Variants in FUBP3 observed in about 807,000 individuals in gnomAD.
The protein encoded by FUBP3 is far upstream element-binding protein 3.
FUBP3 carries 28 observed loss-of-function variants against 85.6 expected under a neutral mutation model. That is an observed-to-expected ratio of 0.33 (90% CI 0.24 to 0.45). The LOEUF (loss-of-function observed/expected upper bound fraction) is 0.45, where lower values mean the gene tolerates loss of function less well. Ranked by LOEUF, FUBP3 falls within the 20% of genes least tolerant of loss-of-function variation. The pLI is 1.00. For missense variants in FUBP3, 583 were observed against 755.1 expected, an observed-to-expected ratio of 0.77 and a Z score of 2.67; for synonymous variants, 271 against 271.4, an observed-to-expected ratio of 1.00 and a Z score of 0.01.
intron 13 of FUBP3, 59 bp downstream of exon 13, chr9:130,630,847 C>A (rs1830182157): frequency 2.4e-6 from 3 of 1,275,362 alleles, no homozygotes; most frequent in Non-Finnish European, 3.1e-6. Context: ...TGTGGATGTC[C>A]AAGGTACCAG....
chr9:130,605,766 CTGA>C (rs961029733), intron 2 of FUBP3, among the ~76,000 whole-genome samples: 5 of 152,172 alleles, frequency 3.3e-5, no homozygotes, highest in African/African-American at 9.6e-5. Flanking sequence ...GGCGGATCAC[CTGA>C]TGTCAGGAGT....
At chr9:130,619,114 CCA>C (rs1335616271) in intron 8 of FUBP3, among the ~76,000 whole-genome samples, 2 of 152,182 alleles carry the variant, frequency 1.3e-5, no homozygotes, top group Non-Finnish European at 2.9e-5. Flanking sequence ...CTGTGGGCGG[CCA>C]CAGAGTGCCT....
chr9:130,626,796 C>T (rs573220723), intron 12 of FUBP3, among the ~76,000 whole-genome samples: 3 of 152,260 alleles, frequency 2.0e-5, no homozygotes, highest in South Asian at 2.1e-4. Flanking sequence ...AGATACCTTG[C>T]GCAAGATGGG....
In FUBP3 at chr9:130,635,657, C is replaced by T. The variant is rs145321339; in HGVS notation, c.1583-342C>T. Among the ~76,000 whole-genome samples the T allele has an allele frequency of 8.9e-4, 135 of 152,240 alleles. No individual in the cohort carries two copies. The highest frequency in any genetic ancestry group is 3.1e-3 in the African/African-American group (130 of 41,526). On this transcript the variant is annotated intron_variant, in intron 17 of 18. Transcript: ENST00000319725. The surrounding 1 kb of genome is among the most constrained non-coding windows in gnomAD (Gnocchi z 4.3). ...ATCACAGGCACCCAAGTTAGGTACT[C>T]CCCTTCTCCCCCACCCCCACCCCAG... is the stretch of plus-strand genomic sequence containing the variant.
At chr9:130,590,208 C>T (rs1383912615) in intron 1 of FUBP3, among the ~76,000 whole-genome samples, 1 of 151,900 alleles carries the variant, frequency 6.6e-6, no homozygotes, top group African/African-American at 2.4e-5. Context: ...CGTGTATCTC[C>T]CAAGATCACC....
intron 1 of FUBP3, among the ~76,000 whole-genome samples, chr9:130,587,183 G>A (rs1324576542): frequency 6.6e-6 from 1 of 151,642 alleles, no homozygotes; most frequent in Non-Finnish European, 1.5e-5. Context: ...TCCTGCCTCA[G>A]CCTCCCAAGT....
intron 1 of FUBP3, among the ~76,000 whole-genome samples, chr9:130,585,229 C>T (rs963103224): frequency 2.0e-5 from 3 of 152,174 alleles, no homozygotes; most frequent in Admixed American, 6.5e-5. Context: ...GCCTGCACAG[C>T]GATAATCAGC....
chr9:130,624,304 C>G (rs1251014500), intron 11 of FUBP3, among the ~76,000 whole-genome samples: 1 of 152,230 alleles, frequency 6.6e-6, no homozygotes, highest in Non-Finnish European at 1.5e-5. Flanking sequence ...GTCTGGTGTT[C>G]CCAGCAGCAG....
At chr9:130,628,894 C>T (rs1830099986) in intron 12 of FUBP3, among the ~76,000 whole-genome samples, 2 of 152,100 alleles carry the variant, frequency 1.3e-5, no homozygotes, top group East Asian at 1.9e-4. Flanking sequence ...CTCAGCCTCC[C>T]GAGTAGCTTG....
chr9:130,580,550 C>G (rs1029304783), intron 1 of FUBP3: 1 of 152,218 alleles, frequency 6.6e-6, no homozygotes, highest in Non-Finnish European at 1.5e-5. Context: ...CCTAACACTT[C>G]AGCTTCCTCG....
At chr9:130,596,866 G>A (rs964632747) in intron 2 of FUBP3, among the ~76,000 whole-genome samples, 4 of 152,100 alleles carry the variant, frequency 2.6e-5, no homozygotes, top group Non-Finnish European at 4.4e-5. Flanking sequence ...AGCACCTCGT[G>A]GAAAACGGGG....
Position 130,612,418 on chromosome 9 carries a change from T to C in FUBP3, c.225-38T>C, listed in dbSNP as rs770027959. ...GACCTAAAATGGCTGCAAAAGTCTGTATTCTGTATTTTTTTCCAAAATGTT... is the reference window on the plus strand; with the variant it reads ...GACCTAAAATGGCTGCAAAAGTCTGCATTCTGTATTTTTTTCCAAAATGTT... On this transcript the variant is annotated intron_variant, in intron 3 of 18. Transcript: ENST00000319725. The surrounding 1 kb of genome is among the most constrained non-coding windows in gnomAD (Gnocchi z 4.1). The C allele has an allele frequency of 2.2e-6, 3 of 1,338,382 alleles. No homozygotes were observed. The highest frequency in any genetic ancestry group is 3.2e-6 in the Non-Finnish European group (3 of 934,588). 82.9% of individuals were successfully genotyped at this position (1,338,382 alleles called of 1,614,324 possible). A position where few individuals can be genotyped will look rare whatever the true frequency, so the allele number is the denominator to read the frequency against.
At chr9:130,633,266 G>A (rs750231578) in intron 16 of FUBP3, among the ~76,000 whole-genome samples, 6 of 152,168 alleles carry the variant, frequency 3.9e-5, no homozygotes, top group South Asian at 2.1e-4. Context: ...ATTATGAAAC[G>A]TTTCAAATAT....
At chr9:130,582,305 A>T (rs1477968087) in intron 1 of FUBP3, among the ~76,000 whole-genome samples, 1 of 152,052 alleles carries the variant, frequency 6.6e-6, no homozygotes, top group Non-Finnish European at 1.5e-5. Flanking sequence ...TAAAAAAATT[A>T]GCTGGATGTG....
In FUBP3 at chr9:130,600,042, G is replaced by A. The variant is rs372002812; in HGVS notation, c.190+4454G>A. On this transcript the variant is annotated intron_variant, in intron 2 of 18. Transcript: ENST00000319725. ...TCTTCCTTATCTTTTGACTTTCTTCGGGGCTCAGCCCACATGCCACCTAGC... is the reference window on the plus strand; with the variant it reads ...TCTTCCTTATCTTTTGACTTTCTTCAGGGCTCAGCCCACATGCCACCTAGC... 2.0e-4 allele frequency among the ~76,000 whole-genome samples: 31 copies of A among 151,694 alleles called. No homozygotes were observed. The East Asian group carries it at 3.9e-3, about 19-fold the overall frequency.
At chr9:130,582,497 A>G (rs959764224) in intron 1 of FUBP3, among the ~76,000 whole-genome samples, 2 of 152,154 alleles carry the variant, frequency 1.3e-5, no homozygotes, top group African/African-American at 4.8e-5. Context: ...GATCTCATTC[A>G]GTTCCATGGA....
intron 2 of FUBP3, among the ~76,000 whole-genome samples, chr9:130,604,308 C>G (rs1831311586): frequency 6.6e-6 from 1 of 152,160 alleles, no homozygotes; most frequent in African/African-American, 2.4e-5. Flanking sequence ...AAACCAGTGT[C>G]TCTGAAGAAG....
chr9:130,631,856 C>T, intron 14 of FUBP3, 86 bp from the exon 15 acceptor site: 2 of 1,023,480 alleles, frequency 2.0e-6, no homozygotes, highest in South Asian at 1.3e-5. Flanking sequence ...GTCCCGACTG[C>T]CCCCTCAGTG....
chr9:130,632,101 C>A, intron 15 of FUBP3, 79 bp downstream of exon 15: 1 of 1,460,612 alleles, frequency 6.8e-7, no homozygotes. Flanking sequence ...GGCAAGGGTC[C>A]GGTGATGCTT....
Sources: allele counts gnomAD v4.1 joint callset (sites outside exome capture counted in the v4.1 genomes callset), GRCh38; gene constraint gnomAD v4.1.1; non-coding constraint Gnocchi (gnomAD v3.1); transcripts MANE v1.5; gene names NCBI Gene and HGNC (gene_info 2026-07-23, HGNC 2026-07-21).